Variants in GPATCH2 observed in about 807,000 individuals in gnomAD.
GPATCH2 encodes G patch domain-containing protein 2.
GPATCH2 carries 51 observed loss-of-function variants against 58.0 expected under a neutral mutation model. The observed-to-expected ratio is 0.88, with a 90% CI of 0.70 to 1.11. The LOEUF (loss-of-function observed/expected upper bound fraction) is 1.11, where lower values mean the gene tolerates loss of function less well. GPATCH2 is among the 50% of genes most tolerant of loss of function. The pLI, the probability that GPATCH2 is intolerant of heterozygous loss-of-function variation, is 0.00. For synonymous variants in GPATCH2, 222 were observed against 218.5 expected (o/e 1.02, Z -0.14); for missense variants, 625 against 652.2 (o/e 0.96, Z 0.45).
intron 5 of GPATCH2, among the ~76,000 whole-genome samples, chr1:217,537,696 G>A (rs183158569): frequency 6.6e-6 from 1 of 152,104 alleles, no homozygotes; most frequent in Non-Finnish European, 1.5e-5. Context: ...GGGCTTAAAT[G>A]TCCATTTAGA....
intron 5 of GPATCH2, among the ~76,000 whole-genome samples, chr1:217,554,251 A>T (rs1463020041): frequency 6.6e-6 from 1 of 152,194 alleles, no homozygotes; most frequent in African/African-American, 2.4e-5. Context: ...CCTACTACAG[A>T]AAGTTCAAGA....
rs561786025 is a variant in GPATCH2 at position 217,443,622 on chromosome 1, C to T, written c.1366+5627G>A. ...ATATTGCACCATCTTATTCTCTCTA[C>T]TCTTCCTTCTGTAAGTTCTATTGGA... On this transcript the variant is annotated intron_variant, in intron 9 of 9. Transcript: ENST00000366935. Among the ~76,000 whole-genome samples the T allele has an allele frequency of 7.9e-5, 12 of 152,210 alleles. No homozygotes were observed. In the South Asian group the frequency reaches 1.7e-3, roughly 21 times the overall value.
At chr1:217,581,682 G>A (rs1374219294) in intron 5 of GPATCH2, among the ~76,000 whole-genome samples, 1 of 152,228 alleles carries the variant, frequency 6.6e-6, no homozygotes, top group African/African-American at 2.4e-5. Flanking sequence ...GCCAGGTGCG[G>A]TGGCTCTTGC....
chr1:217,523,295 G>A (rs1268481839), intron 5 of GPATCH2, among the ~76,000 whole-genome samples: 1 of 151,636 alleles, frequency 6.6e-6, no homozygotes, highest in Non-Finnish European at 1.5e-5. Flanking sequence ...AAGGTCTCTG[G>A]TTTTCCTAGG....
intron 5 of GPATCH2, chr1:217,609,576 A>T: frequency 7.1e-6 from 7 of 984,802 alleles, no homozygotes; most frequent in Non-Finnish European, 8.4e-6. Flanking sequence ...AGTAGAAAGG[A>T]AGCTGAACAA....
intron 9 of GPATCH2, among the ~76,000 whole-genome samples, chr1:217,441,923 A>T (rs983707483): frequency 1.3e-5 from 2 of 152,180 alleles, no homozygotes; most frequent in African/African-American, 4.8e-5. Flanking sequence ...CCATTGTGGA[A>T]GACAGTGTGG....
intron 5 of GPATCH2, among the ~76,000 whole-genome samples, chr1:217,581,519 G>A (rs1667082528): frequency 6.6e-6 from 1 of 152,176 alleles, no homozygotes; most frequent in African/African-American, 2.4e-5. Context: ...CAAAGCCAGA[G>A]TTGCTGAGTC....
chr1:217,454,633 C>A lies in GPATCH2; in HGVS notation c.1278-5296G>T, dbSNP rs1659856208. ...AAACCTTTCCTTTTTTTTTCCTCCC[C>A]TTTTTGAGACAGAGTCTCACTGTAC... On this transcript the variant is annotated intron_variant, in intron 8 of 9. Coordinates refer to ENST00000366935, the MANE Select transcript of GPATCH2 (RefSeq NM_018040.5). 6.7e-5 allele frequency among the ~76,000 whole-genome samples: 10 copies of A among 149,442 alleles called. 2 individuals are homozygous for A. In the South Asian group the frequency reaches 2.1e-3, roughly 32 times the overall value.
chr1:217,572,312 C>G (rs1402490234), intron 5 of GPATCH2, among the ~76,000 whole-genome samples: 2 of 151,900 alleles, frequency 1.3e-5, no homozygotes, highest in Non-Finnish European at 2.9e-5. Context: ...CACTGTGAAG[C>G]CAGATTTCAG....
At chr1:217,523,846 G>C (rs1467190509) in intron 5 of GPATCH2, among the ~76,000 whole-genome samples, 1 of 147,770 alleles carries the variant, frequency 6.8e-6, no homozygotes, top group Non-Finnish European at 1.5e-5. Context: ...CTGGCCGGGC[G>C]GGGGGCTGAC....
At chr1:217,588,365 T>G (rs944936791) in intron 5 of GPATCH2, among the ~76,000 whole-genome samples, 5 of 152,226 alleles carry the variant, frequency 3.3e-5, no homozygotes, top group African/African-American at 1.2e-4. Context: ...AGTAAGGATC[T>G]ACCTACTGGG....
intron 1 of GPATCH2, among the ~76,000 whole-genome samples, chr1:217,623,585 T>A (rs747318923): frequency 6.6e-6 from 1 of 152,140 alleles, no homozygotes; most frequent in Admixed American, 6.5e-5. Context: ...TGACTTTATG[T>A]TGCTTCTCTC....
rs71166009 is a variant in GPATCH2 at position 217,473,280 on chromosome 1, AGTGTGTGTGTGTGT to A, written c.1277+18386_1277+18399del. On this transcript the variant is annotated intron_variant, in intron 8 of 9. Coordinates refer to ENST00000366935, the MANE Select transcript of GPATCH2 (RefSeq NM_018040.5). Reference sequence around the variant, plus strand: ...GGTGCATTGCCTCAAGGTTTAGTTCAGTGTGTGTGTGTGTGTGTGTGTGTGTGTGTGTGTGTGTG... The same window carrying A: ...GGTGCATTGCCTCAAGGTTTAGTTCAGTGTGTGTGTGTGTGTGTGTGTGTG... Among the ~76,000 whole-genome samples, 1,284 of 142,308 alleles carry A rather than the reference AGTGTGTGTGTGTGT, an allele frequency of 9.0e-3. 13 individuals are homozygous for A. The highest frequency in any genetic ancestry group is 0.031 in the African/African-American group (1,195 of 38,710). The allele number at this position is 142,308 out of a possible 152,430, so 93.4% of individuals were successfully genotyped here. A position where few individuals can be genotyped will look rare whatever the true frequency, so the allele number is the denominator to read the frequency against.
intron 8 of GPATCH2, among the ~76,000 whole-genome samples, chr1:217,454,255 A>C (rs886642596): frequency 6.6e-6 from 1 of 152,162 alleles, no homozygotes; most frequent in African/African-American, 2.4e-5. Context: ...AGCACTTTCA[A>C]GTATAAATGT....
chr1:217,480,287 T>G (rs1661156705), intron 8 of GPATCH2, among the ~76,000 whole-genome samples: 1 of 151,094 alleles, frequency 6.6e-6, no homozygotes, highest in Admixed American at 6.6e-5. Flanking sequence ...CAAACAACTC[T>G]ACAGGAAAAA....
At chr1:217,560,769 G>A (rs76957620) in intron 5 of GPATCH2, among the ~76,000 whole-genome samples, 3,192 of 152,238 alleles carry the variant, frequency 0.021, 120 homozygotes, top group African/African-American at 0.073. Context: ...TCTTCCAACT[G>A]GAAGTTAGTA....
At chr1:217,546,692 G>A (rs1199347119) in intron 5 of GPATCH2, among the ~76,000 whole-genome samples, 1 of 152,182 alleles carries the variant, frequency 6.6e-6, no homozygotes, top group African/African-American at 2.4e-5. Context: ...ATAGCCATGG[G>A]CAGACTTCAT....
chr1:217,566,906 C>T (rs1666262474), intron 5 of GPATCH2, among the ~76,000 whole-genome samples: 1 of 152,076 alleles, frequency 6.6e-6, no homozygotes, highest in Non-Finnish European at 1.5e-5. Context: ...ACTATTGTTT[C>T]AATGAGAAAC....
intron 5 of GPATCH2, among the ~76,000 whole-genome samples, chr1:217,572,358 C>G (rs1191180484): frequency 6.6e-6 from 1 of 152,126 alleles, no homozygotes; most frequent in Non-Finnish European, 1.5e-5. Flanking sequence ...AAAACAAAAG[C>G]TGAAAACCAT....
Sources: gnomAD v4.1 joint callset for allele counts (sites outside exome capture counted in the v4.1 genomes callset) on GRCh38, gnomAD v4.1.1 for gene constraint, MANE v1.5 for transcripts, NCBI Gene and HGNC (gene_info 2026-07-23, HGNC 2026-07-21) for gene names.